Variants in PDE4D observed in about 807,000 individuals in gnomAD.
PDE4D encodes phosphodiesterase 4D, also known as 3',5'-cyclic-AMP phosphodiesterase 4D.
In PDE4D, 24 loss-of-function variants were observed where a neutral mutation model predicts 87.4. The ratio of observed to expected loss-of-function variants is 0.27; its 90% CI spans 0.20 to 0.39. The LOEUF is 0.39. Ranked by LOEUF, PDE4D falls within the 10% of genes least tolerant of loss-of-function variation. The probability of loss-of-function intolerance (pLI) is 1.00; values close to 1 mark genes in which losing one functional copy is unlikely to be tolerated. For synonymous variants in PDE4D, 384 were observed against 383.2 expected, an observed-to-expected ratio of 1.00 and a Z score of -0.02; for missense variants, 714 against 1,041.0, an observed-to-expected ratio of 0.69 and a Z score of 4.32.
chr5:59,243,611 C>T (rs978537184), intron 1 of PDE4D, among the ~76,000 whole-genome samples: 2 of 151,490 alleles, frequency 1.3e-5, no homozygotes, highest in African/African-American at 2.4e-5. Context: ...AGGTGCCCAC[C>T]GCCATGCCCA....
chr5:59,053,645 G>GTTTT lies in PDE4D; in HGVS notation c.809-14678_809-14675dup, dbSNP rs1338731940. ...TATGAATTAAGTTGTTTTGTTTTTT[G>GTTTT]TTTTTTTTTGTTGTTGTTTTTTTTT... On this transcript the variant is annotated intron_variant, in intron 5 of 14. Transcript: ENST00000340635. 2.9e-3 allele frequency among the ~76,000 whole-genome samples: 201 copies of GTTTT among 68,748 alleles called. 9 individuals are homozygous for GTTTT. Among genetic ancestry groups the GTTTT allele is most frequent in the African/African-American group, 6.3e-3 (121 of 19,350 alleles). 45.1% of individuals were successfully genotyped at this position (68,748 alleles called of 152,430 possible). A position where few individuals can be genotyped will look rare whatever the true frequency, so the allele number is the denominator to read the frequency against.
At chr5:60,015,012 C>T (rs1341145577) in intron 2 of PDE4D, among the ~76,000 whole-genome samples, 4 of 152,092 alleles carry the variant, frequency 2.6e-5, no homozygotes, top group South Asian at 2.1e-4. Context: ...TATGAAGCAC[C>T]GATTGCTATG....
At chr5:59,745,719 G>C (rs1180456209) in intron 1 of PDE4D, among the ~76,000 whole-genome samples, 1 of 151,990 alleles carries the variant, frequency 6.6e-6, no homozygotes, top group Non-Finnish European at 1.5e-5. Context: ...AGGTTAAAAG[G>C]TGCCAGAGCT....
At chr5:60,252,276 C>T (rs1748560026) in intron 1 of PDE4D, among the ~76,000 whole-genome samples, 1 of 151,588 alleles carries the variant, frequency 6.6e-6, no homozygotes, top group Non-Finnish European at 1.5e-5. Context: ...GAGAATTTTG[C>T]ATTAATGTAC....
At chr5:59,239,810 AC>A (rs1757280203) in intron 1 of PDE4D, among the ~76,000 whole-genome samples, 1 of 152,162 alleles carries the variant, frequency 6.6e-6, no homozygotes, top group South Asian at 2.1e-4. Context: ...CAGCTAGGGG[AC>A]CTTAAGCAAA....
intron 1 of PDE4D, among the ~76,000 whole-genome samples, chr5:59,613,930 A>G (rs1362470281): frequency 5.3e-5 from 8 of 152,204 alleles, no homozygotes; most frequent in African/African-American, 1.9e-4. Context: ...GTAATGCTTC[A>G]CCATGAAGAT....
intron 2 of PDE4D, among the ~76,000 whole-genome samples, chr5:60,077,925 C>T (rs1190361681): frequency 2.0e-5 from 3 of 152,120 alleles, no homozygotes; most frequent in African/African-American, 4.8e-5. Flanking sequence ...CTGGTGTGCA[C>T]TAGCATTGCT....
intron 6 of PDE4D, chr5:58,999,845 C>T (rs991643683): frequency 2.0e-6 from 2 of 989,024 alleles, no homozygotes; most frequent in Non-Finnish European, 1.2e-6. Context: ...CTTTCTCTCC[C>T]GAGCTCCAGG....
intron 3 of PDE4D, among the ~76,000 whole-genome samples, chr5:59,192,259 C>T (rs1744505115): frequency 6.6e-6 from 1 of 152,058 alleles, no homozygotes; most frequent in Non-Finnish European, 1.5e-5. Flanking sequence ...AATGAAAGAA[C>T]ATTTTCAGCT....
intron 1 of PDE4D, among the ~76,000 whole-genome samples, chr5:59,254,760 G>T (rs544860467): frequency 6.6e-6 from 1 of 152,010 alleles, no homozygotes; most frequent in Admixed American, 6.6e-5. Flanking sequence ...GATTCCAAAC[G>T]TGTAGCCACC....
intron 5 of PDE4D, among the ~76,000 whole-genome samples, chr5:59,045,084 G>A (rs1380974692): frequency 6.6e-6 from 1 of 152,206 alleles, no homozygotes; most frequent in African/African-American, 2.4e-5. Flanking sequence ...CAACTGTAGA[G>A]TGCACTCTCA....
chr5:59,446,527 A>T (rs1282554565), intron 1 of PDE4D, among the ~76,000 whole-genome samples: 1 of 152,232 alleles, frequency 6.6e-6, no homozygotes, highest in Non-Finnish European at 1.5e-5. Flanking sequence ...TTTAATCATC[A>T]GGCTTAATGC....
intron 1 of PDE4D, among the ~76,000 whole-genome samples, chr5:59,572,628 C>A (rs953806110): frequency 2.6e-5 from 4 of 152,030 alleles, no homozygotes; most frequent in Admixed American, 2.6e-4. Context: ...CTACAGGCGC[C>A]CGCCACCACG....
At chr5:59,099,137 C>T (rs112766952) in intron 5 of PDE4D, among the ~76,000 whole-genome samples, 1,658 of 152,322 alleles carry the variant, frequency 0.011, 23 homozygotes, top group South Asian at 0.016. Flanking sequence ...CACCAGCAGT[C>T]TTTGTCACAC....
intron 2 of PDE4D, among the ~76,000 whole-genome samples, chr5:60,108,171 C>CA (rs1777239986): frequency 6.6e-6 from 1 of 151,656 alleles, no homozygotes; most frequent in African/African-American, 2.4e-5. Context: ...TCTCAGGATA[C>CA]AAAATCAATG....
intron 1 of PDE4D, among the ~76,000 whole-genome samples, chr5:59,283,098 A>G (rs1214860005): frequency 1.3e-5 from 2 of 152,192 alleles, no homozygotes; most frequent in African/African-American, 2.4e-5. Context: ...ATGGAGATAG[A>G]AGAGAATTTT....
intron 1 of PDE4D, among the ~76,000 whole-genome samples, chr5:59,697,233 A>C (rs1283192616): frequency 6.6e-6 from 1 of 152,202 alleles, no homozygotes; most frequent in South Asian, 2.1e-4. Flanking sequence ...CTAGAGGAAA[A>C]TTCATTAATA....
intron 1 of PDE4D, among the ~76,000 whole-genome samples, chr5:59,350,798 G>A (rs1582105005): frequency 6.6e-6 from 1 of 152,132 alleles, no homozygotes; most frequent in Non-Finnish European, 1.5e-5. Context: ...GGAAACTGAG[G>A]CACATGAAGT....
intron 1 of PDE4D, among the ~76,000 whole-genome samples, chr5:59,887,720 AGTGTGT>A (rs141991192): frequency 2.0e-5 from 3 of 150,774 alleles, no homozygotes; most frequent in Admixed American, 6.6e-5. Flanking sequence ...GCAAGCCATC[AGTGTGT>A]GTGTGTGTGT....
Sources: gnomAD v4.1 joint callset for allele counts (sites outside exome capture counted in the v4.1 genomes callset) on GRCh38, gnomAD v4.1.1 for gene constraint, MANE v1.5 for transcripts, NCBI Gene and HGNC (gene_info 2026-07-23, HGNC 2026-07-21) for gene names.